Variants in OR3A2 observed in about 807,000 individuals in gnomAD.
OR3A2 encodes the protein olfactory receptor 3A2.
For synonymous variants in OR3A2, 126 were observed against 159.3 expected (o/e 0.79, Z 1.57); for missense variants, 318 against 392.8 (o/e 0.81, Z 1.61).
intron 2 of OR3A2, among the ~76,000 whole-genome samples, chr17:3,378,657 C>T (rs1298943999): frequency 6.6e-6 from 1 of 152,150 alleles, no homozygotes; most frequent in Admixed American, 6.5e-5. Context: ...CAGCTGGCAT[C>T]CCCGCAGCAG....
intron 2 of OR3A2, among the ~76,000 whole-genome samples, chr17:3,338,375 G>C (rs1345641078): frequency 1.3e-5 from 2 of 152,064 alleles, no homozygotes; most frequent in Non-Finnish European, 2.9e-5. Flanking sequence ...CTATTGCCTA[G>C]GTTTTCTTCT....
chr17:3,373,678 A>C (rs371953022), intron 2 of OR3A2, among the ~76,000 whole-genome samples: 2 of 152,116 alleles, frequency 1.3e-5, no homozygotes, highest in South Asian at 4.1e-4. Flanking sequence ...TTAAGTTTCC[A>C]TGAGTCCTTA....
exon 2 of OR3A2, chr17:3,278,043 A>G (rs554718229): frequency 6.2e-7 from 1 of 1,613,054 alleles, no homozygotes; most frequent in Non-Finnish European, 8.5e-7. Flanking sequence ...GAGGCTGTAG[A>G]TAAGAGGGTT....
chr17:3,368,216 G>A (rs960024175), intron 2 of OR3A2, among the ~76,000 whole-genome samples: 6 of 151,824 alleles, frequency 4.0e-5, no homozygotes, highest in South Asian at 2.1e-4. Flanking sequence ...TTTCTTTCGC[G>A]GTGCATAAGC....
chr17:3,321,114 C>T (rs2049118374), intron 3 of OR3A2, among the ~76,000 whole-genome samples: 1 of 151,988 alleles, frequency 6.6e-6, no homozygotes, highest in Non-Finnish European at 1.5e-5. Flanking sequence ...AAGTTGGATT[C>T]CTAGGTATTT....
At chr17:3,308,972 C>T (rs2049019345) in intron 3 of OR3A2, among the ~76,000 whole-genome samples, 2 of 152,084 alleles carry the variant, frequency 1.3e-5, no homozygotes, top group African/African-American at 2.4e-5. Flanking sequence ...GTGGCGCTGT[C>T]TCAGCTCACT....
At position 3,283,454 on chromosome 17, in the gene OR3A2, A is replaced by C. The variant is rs562568799; in HGVS notation, c.-7+904T>G. On this transcript the variant is annotated intron_variant, in intron 1 of 1. Coordinates refer to ENST00000642052, the Ensembl canonical transcript of OR3A2. The stretch of plus-strand genomic sequence containing the variant: ...TGATCAGGCTGGTCTCGAACTCCTG[A>C]CCTCAGGTGATCCGCCCACCTCAGC... 1.4e-4 allele frequency among the ~76,000 whole-genome samples: 21 copies of C among 152,224 alleles called. 1 individual carries two copies. Among genetic ancestry groups the C allele is most frequent in the African/African-American group, 4.6e-4 (19 of 41,528 alleles).
chr17:3,354,261 A>AAATATTTGTTTTTAAATATTT (rs2049445063), intron 2 of OR3A2, among the ~76,000 whole-genome samples: 1 of 148,816 alleles, frequency 6.7e-6, no homozygotes, highest in Admixed American at 6.7e-5. Flanking sequence ...GATTTGTATT[A>AAATATTTGTTTTTAAATATTT]GTTTTTAAAT....
At chr17:3,313,021 A>C (rs2049056608) in intron 3 of OR3A2, among the ~76,000 whole-genome samples, 1 of 152,262 alleles carries the variant, frequency 6.6e-6, no homozygotes, top group South Asian at 2.1e-4. Flanking sequence ...GAGACTGATA[A>C]GAAGGGGAAA....
At position 3,305,726 on chromosome 17, in the gene OR3A2, T is replaced by C. The variant is rs182825262; in HGVS notation, c.-84-26573A>G. 3.2e-4 allele frequency among the ~76,000 whole-genome samples: 48 copies of C among 152,342 alleles called. No homozygotes were observed. The East Asian group carries it at 7.7e-3, about 24-fold the overall frequency. On this transcript the variant is annotated intron_variant, in intron 3 of 4. Coordinates refer to the OR3A2 transcript ENST00000573491. ...CAAATATAAAGACAGTAAAAGAAAG[T>C]TGAAAATAAAATTCTATTAAATATC...
rs1392895063 is a variant in OR3A2 at position 3,338,214 on chromosome 17, T to C, written c.-178-2088A>G. ...AGATTGCAAAAATTTTCTCCCATTC[T>C]GTAGGTTGCCTGTTCACTCTGATGG... On this transcript the variant is annotated intron_variant, in intron 2 of 4. Coordinates refer to the OR3A2 transcript ENST00000573491. Among the ~76,000 whole-genome samples the C allele has an allele frequency of 9.2e-5, 14 of 152,216 alleles. No homozygotes were observed. In the South Asian group the frequency reaches 2.1e-3, roughly 23 times the overall value.
chr17:3,339,091 T>A (rs1001590132), intron 2 of OR3A2, among the ~76,000 whole-genome samples: 1 of 152,172 alleles, frequency 6.6e-6, no homozygotes, highest in Non-Finnish European at 1.5e-5. Flanking sequence ...TGTATAAGAA[T>A]GCTTATGATT....
chr17:3,285,736 C>T (rs1024861508), upstream of OR3A2, among the ~76,000 whole-genome samples: 8 of 152,128 alleles, frequency 5.3e-5, no homozygotes, highest in Admixed American at 2.0e-4. Context: ...TGCAGTGAGC[C>T]GTGATCGCAC....
At chr17:3,379,426 GAGAGCGCC>G (rs1270361842) in intron 2 of OR3A2, among the ~76,000 whole-genome samples, 5 of 152,204 alleles carry the variant, frequency 3.3e-5, no homozygotes, top group African/African-American at 1.2e-4. Context: ...AGGAGTAACA[GAGAGCGCC>G]AACCCTGAAG....
intron 3 of OR3A2, chr17:3,292,104 A>C (rs759931557): frequency 3.7e-6 from 6 of 1,614,224 alleles, no homozygotes; most frequent in Non-Finnish European, 5.1e-6. Flanking sequence ...AGTGTGGGTC[A>C]GTGCGTTGGT....
intron 2 of OR3A2, among the ~76,000 whole-genome samples, chr17:3,378,063 T>C (rs1387259616): frequency 6.6e-6 from 1 of 152,200 alleles, no homozygotes; most frequent in African/African-American, 2.4e-5. Context: ...GGCTGCTGAC[T>C]TCACCTGGAA....
intron 2 of OR3A2, among the ~76,000 whole-genome samples, chr17:3,358,769 G>C (rs1270519048): frequency 6.6e-6 from 1 of 151,766 alleles, no homozygotes. Flanking sequence ...TTGGGGTGCA[G>C]AGTTTTGTAT....
At chr17:3,324,740 C>T (rs758667134) in intron 3 of OR3A2, among the ~76,000 whole-genome samples, 3 of 151,992 alleles carry the variant, frequency 2.0e-5, no homozygotes, top group Non-Finnish European at 2.9e-5. Context: ...GAGGAGTACC[C>T]GGCCGTGTGA....
In OR3A2 at chr17:3,336,131, G is replaced by A. The variant is rs1000477779; in HGVS notation, c.-178-5C>T. 2.6e-5 allele frequency: 4 copies of A among 152,192 alleles called. No homozygotes were observed. Among genetic ancestry groups the A allele is most frequent in the African/African-American group, 9.7e-5 (4 of 41,406 alleles). 9.4% of individuals were successfully genotyped at this position (152,192 alleles called of 1,614,324 possible). ...ATTCAACATTTTGTGGCATGTCTGT[G>A]GAAATAATGACAGGTCATCAGCCCT... On this transcript the variant is annotated splice_region_variant and splice_polypyrimidine_tract_variant and intron_variant, in intron 2 of 4. Transcript: ENST00000573491.
Sources: allele counts gnomAD v4.1 joint callset (sites outside exome capture counted in the v4.1 genomes callset), GRCh38; gene constraint gnomAD v4.1.1; transcripts MANE v1.5; gene names NCBI Gene and HGNC (gene_info 2026-07-23, HGNC 2026-07-21).